The following IQGAP2 variants were observed in gnomAD, a reference collection of about 807,000 sequenced individuals.
IQGAP2 encodes ras GTPase-activating-like protein IQGAP2.
In IQGAP2, 173 loss-of-function variants were observed where a neutral mutation model predicts 201.3. The observed-to-expected ratio is 0.86, with a 90% CI of 0.76 to 0.98. The LOEUF (loss-of-function observed/expected upper bound fraction) is 0.98. IQGAP2 is among the 50% of genes least tolerant of loss of function. The pLI, the probability that IQGAP2 is intolerant of heterozygous loss-of-function variation, is 0.00. For synonymous variants in IQGAP2, 675 were observed against 673.9 expected (o/e 1.00, Z -0.03); for missense variants, 1,687 against 1,864.8 (o/e 0.90, Z 1.76).
At chr5:76,611,856 G>T (rs1050754550) in intron 13 of IQGAP2, among the ~76,000 whole-genome samples, 1 of 152,144 alleles carries the variant, frequency 6.6e-6, no homozygotes, top group East Asian at 1.9e-4. Context: ...AGGCTGATAT[G>T]ATCTGTCACC....
chr5:76,517,740 G>A (rs541890165), intron 2 of IQGAP2, among the ~76,000 whole-genome samples: 1 of 151,984 alleles, frequency 6.6e-6, no homozygotes, highest in Non-Finnish European at 1.5e-5. Flanking sequence ...TAGATCCATC[G>A]CATACGAGTA....
chr5:76,431,154 G>A (rs1345290364), intron 1 of IQGAP2, among the ~76,000 whole-genome samples: 1 of 152,020 alleles, frequency 6.6e-6, no homozygotes, highest in African/African-American at 2.4e-5. Flanking sequence ...GTAGATGAGA[G>A]TAGGACTTGG....
rs528628826 is a variant in IQGAP2, at chr5:76,444,722, A to G, written c.47-16848A>G. Among the ~76,000 whole-genome samples, 28 of 152,366 alleles carry G rather than the reference A, an allele frequency of 1.8e-4. No individual in the cohort carries two copies. In the South Asian group the frequency reaches 5.4e-3, roughly 29 times the overall value. On this transcript the variant is annotated intron_variant, in intron 1 of 35. Transcript: ENST00000274364. ...AGCCACTAATACTGTTTAAGATTTAAAATTATCTTGGCAGTCGAAGAAGTA... is the reference window on the plus strand; with the variant it reads ...AGCCACTAATACTGTTTAAGATTTAGAATTATCTTGGCAGTCGAAGAAGTA...
chr5:76,419,575 T>A (rs1282735967), intron 1 of IQGAP2, among the ~76,000 whole-genome samples: 1 of 152,120 alleles, frequency 6.6e-6, no homozygotes, highest in Non-Finnish European at 1.5e-5. Context: ...TGATCTCAAG[T>A]GATCCCCCCA....
intron 1 of IQGAP2, among the ~76,000 whole-genome samples, chr5:76,413,940 C>T (rs1189495629): frequency 6.6e-6 from 1 of 152,174 alleles, no homozygotes; most frequent in Non-Finnish European, 1.5e-5. Flanking sequence ...AGGAAGTACA[C>T]TTGGTACACT....
Position 76,496,767 on chromosome 5 carries a change from T to TTC in IQGAP2, c.146+35100_146+35101dup, listed in dbSNP as rs1561416636. Reference sequence around the variant, plus strand: ...TTTCTTTCTTTCTTTCTTTCTTTCTTTCTTTCTTTCTTTCTTTCTTTCTTT... The same window carrying TTC: ...TTTCTTTCTTTCTTTCTTTCTTTCTTTCTCTTTCTTTCTTTCTTTCTTTCTTT... On this transcript the variant is annotated intron_variant, in intron 2 of 35. Transcript: ENST00000274364. Among the ~76,000 whole-genome samples the TTC allele has an allele frequency of 1.4e-3, 171 of 121,080 alleles. 4 individuals carry two copies. Among genetic ancestry groups the TTC allele is most frequent in the African/African-American group, 6.0e-3 (152 of 25,204 alleles). The allele number at this position is 121,080 out of a possible 152,430, so 79.4% of individuals were successfully genotyped here.
At chr5:76,613,633 C>G (rs763138213) in intron 13 of IQGAP2, among the ~76,000 whole-genome samples, 12 of 152,196 alleles carry the variant, frequency 7.9e-5, no homozygotes, top group African/African-American at 1.7e-4. Flanking sequence ...AATAATGTAG[C>G]TAGTATTATT....
intron 2 of IQGAP2, among the ~76,000 whole-genome samples, chr5:76,495,353 G>A (rs1442381401): frequency 2.0e-5 from 3 of 152,118 alleles, no homozygotes; most frequent in Non-Finnish European, 4.4e-5. Flanking sequence ...GGTAGGACAT[G>A]GACTTATCAT....
chr5:76,651,370 G>A (rs1446067479), intron 17 of IQGAP2, among the ~76,000 whole-genome samples: 1 of 152,180 alleles, frequency 6.6e-6, no homozygotes, highest in Non-Finnish European at 1.5e-5. Context: ...GGGAGGCCAA[G>A]GTAGGGTGGA....
chr5:76,597,575 T>G lies in IQGAP2; in HGVS notation c.1044T>G (p.Leu348=). Residue 348 remains leucine, a synonymous_variant, in exon 10 of 36, where the codon CTT becomes CTG. Transcript: ENST00000274364. The stretch of plus-strand genomic sequence containing the variant: ...CTGCTGCCATGTATCAGAACGAACT[T>G]TTCAACCTCCAGAAACAGAACACCA... ...PFAAAMYQNE[L]FNLQKQNTMN... 12 of 1,613,788 alleles carry G rather than the reference T, an allele frequency of 7.4e-6. No homozygotes were observed. The highest frequency in any genetic ancestry group is 1.0e-5 in the Non-Finnish European group (12 of 1,179,930).
At chr5:76,490,626 T>C (rs1756478681) in intron 2 of IQGAP2, among the ~76,000 whole-genome samples, 2 of 152,176 alleles carry the variant, frequency 1.3e-5, no homozygotes, top group South Asian at 4.1e-4. Flanking sequence ...GGCCAAAATG[T>C]AGCTCAAAAC....
At chr5:76,432,143 T>TTTTTTTTTTTTTA (rs1580176832) in intron 1 of IQGAP2, among the ~76,000 whole-genome samples, 1 of 145,874 alleles carries the variant, frequency 6.9e-6, no homozygotes, top group African/African-American at 2.5e-5. Context: ...TTTTTTTTTT[T>TTTTTTTTTTTTTA]GAGATGGAGT....
chr5:76,629,638 C>T (rs945951935), intron 14 of IQGAP2, among the ~76,000 whole-genome samples: 1 of 152,118 alleles, frequency 6.6e-6, no homozygotes, highest in Non-Finnish European at 1.5e-5. Flanking sequence ...ATTTTGTATA[C>T]CTGTTTATGT....
intron 1 of IQGAP2, among the ~76,000 whole-genome samples, chr5:76,452,854 T>G (rs1753846217): frequency 6.6e-6 from 1 of 151,448 alleles, no homozygotes; most frequent in African/African-American, 2.4e-5. Context: ...TTAGCTAACC[T>G]CTCTGAGTTT....
chr5:76,489,188 C>T (rs1244260347), intron 2 of IQGAP2, among the ~76,000 whole-genome samples: 1 of 152,082 alleles, frequency 6.6e-6, no homozygotes, highest in Non-Finnish European at 1.5e-5. Context: ...ATGGATGAGC[C>T]GATCTGGAGA....
chr5:76,643,845 C>T (rs1272604754), intron 17 of IQGAP2, among the ~76,000 whole-genome samples: 1 of 152,006 alleles, frequency 6.6e-6, no homozygotes, highest in Non-Finnish European at 1.5e-5. Flanking sequence ...AGTCTGTGGG[C>T]CAAGAGGAAG....
intron 2 of IQGAP2, among the ~76,000 whole-genome samples, chr5:76,507,727 A>G (rs1394365307): frequency 6.6e-6 from 1 of 152,182 alleles, no homozygotes; most frequent in Non-Finnish European, 1.5e-5. Context: ...AATTGGGCCA[A>G]TGGGCCAGGC....
intron 11 of IQGAP2, among the ~76,000 whole-genome samples, chr5:76,602,253 C>T (rs955939778): frequency 2.6e-5 from 4 of 152,210 alleles, no homozygotes; most frequent in Non-Finnish European, 2.9e-5. Context: ...CCTAACCAGG[C>T]TTTGCCATAC....
At chr5:76,664,251 T>C (rs920726289) in intron 21 of IQGAP2, among the ~76,000 whole-genome samples, 1 of 152,166 alleles carries the variant, frequency 6.6e-6, no homozygotes, top group Non-Finnish European at 1.5e-5. Context: ...TTCAATATCA[T>C]TGTGTCTCAG....
Sources: allele counts gnomAD v4.1 joint callset (sites outside exome capture counted in the v4.1 genomes callset), GRCh38; gene constraint gnomAD v4.1.1; transcripts MANE v1.5; gene names NCBI Gene and HGNC (gene_info 2026-07-23, HGNC 2026-07-21).